Variants in GPHN observed in about 807,000 individuals in gnomAD.
The protein encoded by GPHN is gephyrin.
GPHN carries 17 observed loss-of-function variants against 95.5 expected under a neutral mutation model. The ratio of observed to expected loss-of-function variants is 0.18; its 90% CI spans 0.12 to 0.27. The LOEUF is 0.27. Ranked by LOEUF, GPHN falls within the 10% of genes least tolerant of loss-of-function variation. GPHN has a pLI of 1.00. For missense variants in GPHN, 660 were observed against 978.1 expected, an observed-to-expected ratio of 0.67 and a Z score of 4.34; for synonymous variants, 320 against 322.5, an observed-to-expected ratio of 0.99 and a Z score of 0.08.
chr14:66,708,898 G>A (rs1249575766), intron 2 of GPHN, among the ~76,000 whole-genome samples: 4 of 152,040 alleles, frequency 2.6e-5, no homozygotes, highest in African/African-American at 4.8e-5. Flanking sequence ...ACTAATTTTA[G>A]TAGAATATTA....
chr14:67,071,360 A>T (rs1595027781), intron 11 of GPHN, among the ~76,000 whole-genome samples: 1 of 152,150 alleles, frequency 6.6e-6, no homozygotes, highest in Non-Finnish European at 1.5e-5. Context: ...GGAAACCATC[A>T]TTCTGAGCAA....
At chr14:66,946,884 ACTATCAT>A (rs1387391681) in intron 8 of GPHN, among the ~76,000 whole-genome samples, 1 of 152,146 alleles carries the variant, frequency 6.6e-6, no homozygotes, top group Non-Finnish European at 1.5e-5. Context: ...GGTCTAATCA[ACTATCAT>A]CTATCATCTT....
intron 1 of GPHN, among the ~76,000 whole-genome samples, chr14:66,551,799 A>G (rs1383867049): frequency 6.6e-6 from 1 of 152,206 alleles, no homozygotes; most frequent in African/African-American, 2.4e-5. Flanking sequence ...AGGAGGTGCT[A>G]CACAGTTTTA....
At position 66,895,888 on chromosome 14, in the gene GPHN, G is replaced by T. The variant is rs113448753; in HGVS notation, c.389+15855G>T. Among the ~76,000 whole-genome samples the T allele has an allele frequency of 3.1e-3, 472 of 152,210 alleles. 11 individuals carry two copies. Among genetic ancestry groups the T allele is most frequent in the African/African-American group, 0.011 (447 of 41,530 alleles). ...TTTTAAAAAATTGACTATTGTCCTGGTCCATTCTGCTGCTGTAACAAAATA... is the reference window on the plus strand; with the variant it reads ...TTTTAAAAAATTGACTATTGTCCTGTTCCATTCTGCTGCTGTAACAAAATA... On this transcript the variant is annotated intron_variant, in intron 5 of 22. Transcript: ENST00000478722.
intron 17 of GPHN, among the ~76,000 whole-genome samples, chr14:67,135,131 T>C (rs1177337135): frequency 6.6e-6 from 1 of 151,978 alleles, no homozygotes; most frequent in African/African-American, 2.4e-5. Flanking sequence ...AACTAATTTT[T>C]ATATTTTTAG....
chr14:67,570,360 C>T, the GPHN span: 53 of 899,746 alleles, frequency 5.9e-5, no homozygotes, highest in Middle Eastern at 5.4e-4. Context: ...CTTATATTCC[C>T]GTAACGTCAC....
At chr14:66,699,223 A>T (rs1244188122) in intron 2 of GPHN, among the ~76,000 whole-genome samples, 2 of 152,186 alleles carry the variant, frequency 1.3e-5, no homozygotes, top group Non-Finnish European at 2.9e-5. Context: ...CTTAAAAGGG[A>T]TAGCATTAGG....
intron 11 of GPHN, among the ~76,000 whole-genome samples, chr14:67,065,505 G>A (rs930455226): frequency 3.9e-5 from 6 of 151,918 alleles, no homozygotes; most frequent in South Asian, 2.1e-4. Context: ...CTTCTGTCTC[G>A]TTGATCTAAT....
At chr14:67,464,596 C>T in the GPHN span, among the ~76,000 whole-genome samples, 1 of 152,206 alleles carries the variant, frequency 6.6e-6, no homozygotes, top group African/African-American at 2.4e-5. Flanking sequence ...CCTCTTGTAC[C>T]AGCTGTTTCC....
intron 2 of GPHN, among the ~76,000 whole-genome samples, chr14:66,691,629 T>C (rs1442646287): frequency 1.3e-5 from 2 of 152,176 alleles, no homozygotes; most frequent in Non-Finnish European, 2.9e-5. Flanking sequence ...TTTTGAATTA[T>C]AATAGCAGAG....
the GPHN span, among the ~76,000 whole-genome samples, chr14:67,419,843 C>T: frequency 6.8e-6 from 1 of 147,272 alleles, no homozygotes; most frequent in Admixed American, 6.7e-5. Flanking sequence ...AGCCAGCCTC[C>T]GTCTCAAAAA....
intron 2 of GPHN, among the ~76,000 whole-genome samples, chr14:66,737,825 A>C (rs909635023): frequency 7.2e-5 from 11 of 152,326 alleles, no homozygotes; most frequent in African/African-American, 2.6e-4. Flanking sequence ...CACACTTTTT[A>C]GATGTGGTAT....
At chr14:67,366,895 G>A in the GPHN span, among the ~76,000 whole-genome samples, 1 of 152,076 alleles carries the variant, frequency 6.6e-6, no homozygotes, top group African/African-American at 2.4e-5. Flanking sequence ...GCTGAAGACA[G>A]CTTCAAGCCA....
the GPHN span, among the ~76,000 whole-genome samples, chr14:67,671,611 T>C: frequency 6.6e-6 from 1 of 152,186 alleles, no homozygotes; most frequent in Non-Finnish European, 1.5e-5. Context: ...AAAGGCTGGG[T>C]AGACAACAAA....
intron 2 of GPHN, among the ~76,000 whole-genome samples, chr14:66,736,067 A>T (rs1595733315): frequency 6.6e-6 from 1 of 152,208 alleles, no homozygotes; most frequent in African/African-American, 2.4e-5. Flanking sequence ...TTTTCAACTT[A>T]AGAAAGTTAG....
the GPHN span, chr14:67,695,765 C>CCCTGCTATT: frequency 6.7e-7 from 1 of 1,500,232 alleles, no homozygotes; most frequent in African/African-American, 1.4e-5. Flanking sequence ...ACTATGGCTT[C>CCCTGCTATT]TCTTTCTAGA....
the GPHN span, among the ~76,000 whole-genome samples, chr14:67,469,219 A>C: frequency 1.3e-5 from 2 of 152,352 alleles, 1 homozygote; most frequent in South Asian, 4.1e-4. Context: ...TACTCCATCC[A>C]GAAAAGCAGT....
At chr14:67,002,599 G>A (rs1296987413) in intron 9 of GPHN, among the ~76,000 whole-genome samples, 2 of 151,040 alleles carry the variant, frequency 1.3e-5, no homozygotes, top group Non-Finnish European at 3.0e-5. Flanking sequence ...CCTAATCCTG[G>A]ATTTGAAACC....
chr14:66,582,161 A>G (rs181250111), intron 1 of GPHN, among the ~76,000 whole-genome samples: 1 of 152,180 alleles, frequency 6.6e-6, no homozygotes, highest in Admixed American at 6.5e-5. Flanking sequence ...CAAATTTAAG[A>G]AGATTGAAAT....
Sources: allele counts gnomAD v4.1 joint callset (sites outside exome capture counted in the v4.1 genomes callset), GRCh38; gene constraint gnomAD v4.1.1; transcripts MANE v1.5; gene names NCBI Gene and HGNC (gene_info 2026-07-23, HGNC 2026-07-21).